DNAJC15: variants seen among roughly 807,000 people sequenced by gnomAD.
DNAJC15 encodes the protein dnaJ homolog subfamily C member 15.
In DNAJC15, 27 loss-of-function variants were observed where a neutral mutation model predicts 22.4. The ratio of observed to expected loss-of-function variants is 1.20; its 90% confidence interval spans 0.89 to 1.66. DNAJC15 has a LOEUF of 1.66. DNAJC15 is among the 40% of genes most tolerant of loss of function. DNAJC15 has a pLI of 0.00. For missense variants in DNAJC15, 208 were observed against 187.1 expected (o/e 1.11, Z -0.65); for synonymous variants, 79 against 63.2 (o/e 1.25, Z -1.19).
intron 1 of DNAJC15, among the ~76,000 whole-genome samples, chr13:43,051,296 A>T (rs56113740): frequency 1.3e-5 from 2 of 152,048 alleles, no homozygotes; most frequent in African/African-American, 2.4e-5. Flanking sequence ...TTTTATTTCA[A>T]TAAGTTTTGG....
intron 1 of DNAJC15, among the ~76,000 whole-genome samples, chr13:43,030,981 A>T (rs2153439417): frequency 6.6e-6 from 1 of 152,374 alleles, no homozygotes; most frequent in South Asian, 2.1e-4. Flanking sequence ...TGAGTAGAAC[A>T]TTGAGAAAAG....
chr13:43,080,254 T>G (rs2040655553), intron 4 of DNAJC15, among the ~76,000 whole-genome samples: 1 of 152,086 alleles, frequency 6.6e-6, no homozygotes, highest in Non-Finnish European at 1.5e-5. Context: ...TAGGCCTCAG[T>G]GTCTGTTTTT....
At chr13:43,028,641 C>A (rs1338067364) in intron 1 of DNAJC15, among the ~76,000 whole-genome samples, 1 of 152,174 alleles carries the variant, frequency 6.6e-6, no homozygotes, top group Non-Finnish European at 1.5e-5. Flanking sequence ...AGCCACATTT[C>A]ACATCCCCTA....
intron 1 of DNAJC15, among the ~76,000 whole-genome samples, chr13:43,062,017 T>C (rs2040561600): frequency 6.6e-6 from 1 of 152,194 alleles, no homozygotes. Flanking sequence ...TGGTATGTAG[T>C]GATGATTTTA....
chr13:43,066,122 C>A (rs973856311), intron 2 of DNAJC15, among the ~76,000 whole-genome samples: 33 of 152,072 alleles, frequency 2.2e-4, no homozygotes, highest in Admixed American at 5.9e-4. Flanking sequence ...GCTGTCAGTT[C>A]TTTCTCATGA....
Position 43,107,702 on chromosome 13 carries a change from C to G in DNAJC15, c.*454C>G, listed in dbSNP as rs544710158. Reference sequence around the variant, plus strand: ...TAAGGTGTTTTAAATGTCTTGAGAACAAGCACTGGCTGATACCTCTTGGAG... The same window carrying G: ...TAAGGTGTTTTAAATGTCTTGAGAAGAAGCACTGGCTGATACCTCTTGGAG... On this transcript the variant is annotated 3_prime_UTR_variant, in exon 6 of 6. Coordinates refer to ENST00000379221, the MANE Select transcript of DNAJC15 (RefSeq NM_013238.3). 2.6e-5 allele frequency: 4 copies of G among 152,382 alleles called. No individual in the cohort carries two copies. Among genetic ancestry groups the G allele is most frequent in the African/African-American group, 9.6e-5 (4 of 41,516 alleles). The allele number at this position is 152,382 out of a possible 1,614,324, so 9.4% of individuals were successfully genotyped here. A position where few individuals can be genotyped will look rare whatever the true frequency, so the allele number is the denominator to read the frequency against.
At chr13:43,076,037 G>C (rs2040632675) in intron 3 of DNAJC15, among the ~76,000 whole-genome samples, 1 of 152,074 alleles carries the variant, frequency 6.6e-6, no homozygotes, top group South Asian at 2.1e-4. Context: ...TACTCTCTAT[G>C]TATGTTTAGA....
intron 5 of DNAJC15, among the ~76,000 whole-genome samples, chr13:43,090,593 T>C (rs556686748): frequency 6.6e-6 from 1 of 152,336 alleles, no homozygotes; most frequent in South Asian, 2.1e-4. Flanking sequence ...ACTGGTTATT[T>C]TGCCTTTTTT....
At chr13:43,058,439 G>A (rs1005853054) in intron 1 of DNAJC15, among the ~76,000 whole-genome samples, 77 of 152,134 alleles carry the variant, frequency 5.1e-4, no homozygotes, top group African/African-American at 1.7e-3. Context: ...GGAAGGGTGA[G>A]GCTTGTCTGA....
chr13:43,048,569 C>CT (rs953309884), intron 1 of DNAJC15, among the ~76,000 whole-genome samples: 4 of 152,280 alleles, frequency 2.6e-5, no homozygotes, highest in Admixed American at 1.3e-4. Flanking sequence ...TATATATCAT[C>CT]TTTTTTTCCC....
chr13:43,036,510 G>A (rs1285380422), intron 1 of DNAJC15, among the ~76,000 whole-genome samples: 2 of 152,190 alleles, frequency 1.3e-5, no homozygotes, highest in Non-Finnish European at 2.9e-5. Context: ...CCAATTGGCC[G>A]ATTGGTCATC....
At chr13:43,085,906 G>A (rs2040685806) in intron 5 of DNAJC15, 68 bp downstream of exon 5, 2 of 1,308,150 alleles carry the variant, frequency 1.5e-6, no homozygotes, top group African/African-American at 1.5e-5. Flanking sequence ...TCAGATTAAA[G>A]TCATATATGA....
intron 1 of DNAJC15, among the ~76,000 whole-genome samples, chr13:43,024,132 T>G (rs1286198914): frequency 4.6e-5 from 7 of 151,878 alleles, no homozygotes; most frequent in Non-Finnish European, 8.8e-5. Flanking sequence ...TCTGAATGAA[T>G]AAAAACAGTC....
intron 4 of DNAJC15, among the ~76,000 whole-genome samples, chr13:43,081,978 G>A (rs146327482): frequency 5.7e-4 from 86 of 152,088 alleles, no homozygotes; most frequent in African/African-American, 1.9e-3. Context: ...TAGGGGAATT[G>A]CCCTTTATAA....
chr13:43,087,264 TA>T (rs1214263301), intron 5 of DNAJC15, among the ~76,000 whole-genome samples: 2 of 152,208 alleles, frequency 1.3e-5, no homozygotes, highest in Non-Finnish European at 2.9e-5. Flanking sequence ...CCAAAATTTA[TA>T]AACATTTGGA....
intron 1 of DNAJC15, among the ~76,000 whole-genome samples, chr13:43,044,851 G>A (rs1421317856): frequency 1.3e-5 from 2 of 151,856 alleles, no homozygotes; most frequent in African/African-American, 4.8e-5. Flanking sequence ...TGTAGCCCAA[G>A]TGACCATTAT....
intron 1 of DNAJC15, among the ~76,000 whole-genome samples, chr13:43,059,977 G>T (rs926984789): frequency 3.9e-5 from 6 of 152,178 alleles, no homozygotes; most frequent in Non-Finnish European, 7.3e-5. Flanking sequence ...AATCACAATG[G>T]AATGTCATCA....
At chr13:43,052,512 G>A (rs2040510122) in intron 1 of DNAJC15, among the ~76,000 whole-genome samples, 1 of 151,898 alleles carries the variant, frequency 6.6e-6, no homozygotes, top group Non-Finnish European at 1.5e-5. Context: ...CCACCTCCTG[G>A]GTTCAAGCGA....
chr13:43,067,824 A>C (rs1011588157), intron 2 of DNAJC15, among the ~76,000 whole-genome samples: 4 of 152,194 alleles, frequency 2.6e-5, no homozygotes, highest in Non-Finnish European at 5.9e-5. Context: ...GTAATATAAA[A>C]GCTACATTTC....
Sources: allele counts gnomAD v4.1 joint callset (sites outside exome capture counted in the v4.1 genomes callset), GRCh38; gene constraint gnomAD v4.1.1; transcripts MANE v1.5; gene names NCBI Gene and HGNC (gene_info 2026-07-23, HGNC 2026-07-21).